MYH7B: variants seen among roughly 807,000 people sequenced by gnomAD.
MYH7B encodes the protein myosin-7B.
Under a neutral mutation model 234.5 loss-of-function variants are expected in MYH7B, and 205 were observed. The observed-to-expected ratio is 0.87, with a 90% CI of 0.78 to 0.98. The LOEUF is 0.98. Ranked by LOEUF, MYH7B falls within the 50% of genes least tolerant of loss-of-function variation. The pLI is 0.00. For missense variants in MYH7B, 2,652 were observed against 2,633.4 expected, an observed-to-expected ratio of 1.01 and a Z score of -0.15; for synonymous variants, 1,193 against 1,105.0, an observed-to-expected ratio of 1.08 and a Z score of -1.58.
chr20:34,993,196 C>T, exon 25 of MYH7B: 1 of 1,614,034 alleles, frequency 6.2e-7, no homozygotes. Flanking sequence ...GGACTTGGAT[C>T]ACACCCAGTA....
exon 32 of MYH7B, chr20:34,997,401 G>A: frequency 6.7e-7 from 1 of 1,485,866 alleles, no homozygotes; most frequent in South Asian, 1.3e-5. Flanking sequence ...GCAGCGCGAG[G>A]GCTGCCGCAA....
exon 30 of MYH7B, chr20:34,996,637 A>G (rs1349044537): frequency 1.2e-6 from 2 of 1,612,510 alleles, no homozygotes; most frequent in Non-Finnish European, 1.7e-6. Flanking sequence ...GGAGCAGGAG[A>G]AGAAGCTGCG....
Position 34,996,765 on chromosome 20 carries a change from G to A in MYH7B, c.3266+7G>A. On this transcript the variant is annotated splice_region_variant and intron_variant, in intron 30 of 44. Transcript: ENST00000262873. ...TGGAGGAGAAGCTCAAGAAGTAGGT[G>A]TGGTGGGGCAGCAGGTGGGGGCCTT... is the stretch of plus-strand genomic sequence containing the variant. 1 of 1,605,530 alleles carries A rather than the reference G, an allele frequency of 6.2e-7. No homozygotes were observed. Among genetic ancestry groups the A allele is most frequent in the Non-Finnish European group, 8.5e-7 (1 of 1,177,622 alleles).
In MYH7B at chr20:34,997,385, C is replaced by T. The variant is rs759768222; in HGVS notation, c.3492C>T (p.Ser1164=). 18 of 1,510,256 alleles carry T rather than the reference C, an allele frequency of 1.2e-5. No homozygotes were observed. In the East Asian group the frequency reaches 2.5e-4, roughly 21 times the overall value. 93.6% of individuals were successfully genotyped at this position (1,510,256 alleles called of 1,614,324 possible). The change falls in exon 32 of 45, where the codon TCC becomes TCT. Residue 1164 remains serine (S), a synonymous_variant. Transcript: ENST00000262873. Reference sequence around the variant, plus strand: ...GGCTGGAGGAGGCAGGCGGCGCATCCGCGGGGCAGCGCGAGGGCTGCCGCA... The same window carrying T: ...GGCTGGAGGAGGCAGGCGGCGCATCTGCGGGGCAGCGCGAGGGCTGCCGCA...
chr20:35,000,721 G>T (rs1233484139), intron 39 of MYH7B, 32 bp downstream of exon 39: 27 of 1,604,610 alleles, frequency 1.7e-5, no homozygotes, highest in Non-Finnish European at 2.1e-5. Flanking sequence ...GACAGAGCAG[G>T]TGCAGGCCTG....
At chr20:34,979,711 C>T (rs752263550) in exon 7 of MYH7B, 3 of 1,614,186 alleles carry the variant, frequency 1.9e-6, no homozygotes, top group South Asian at 2.2e-5. Flanking sequence ...CGCCTCGCTT[C>T]GACTTACTGG....
At position 34,975,164 on chromosome 20, in the gene MYH7B, G is replaced by A. The variant is rs958384509; in HGVS notation, c.-221-236G>A. 2.6e-5 allele frequency among the ~76,000 whole-genome samples: 4 copies of A among 152,180 alleles called. 1 individual carries two copies. The highest frequency in any genetic ancestry group is 2.0e-4 in the Admixed American group (3 of 15,274). On this transcript the variant is annotated intron_variant, in intron 2 of 44. Coordinates refer to ENST00000262873, the Ensembl canonical transcript of MYH7B. ...TATTATCCTAGGTGAGGGATGGCCC[G>A]AAGGGGATAATTTTTCATAATTTCT...
chr20:34,993,306 C>T (rs2082191339), intron 25 of MYH7B, 28 bp from the exon 26 acceptor site: 13 of 1,613,944 alleles, frequency 8.1e-6, no homozygotes, highest in Non-Finnish European at 1.1e-5. Context: ...TTGGGGGTTA[C>T]CCTGGCTGTC....
intron 2 of MYH7B, among the ~76,000 whole-genome samples, chr20:34,973,712 C>T (rs2081815305): frequency 6.6e-6 from 1 of 152,216 alleles, no homozygotes; most frequent in Admixed American, 6.5e-5. Flanking sequence ...TGAGGCTACA[C>T]AAGTCACATC....
At position 34,995,590 on chromosome 20, in the gene MYH7B, G is replaced by A; in HGVS notation, c.2943+12G>A. On this transcript the variant is annotated intron_variant, in intron 28 of 44. Coordinates refer to ENST00000262873, the Ensembl canonical transcript of MYH7B. ...CCACTGAGAACAAGGTGTGGGCCGGGCCAGCTGTGGGGAAGGGCCCTGAGC... is the reference window on the plus strand; with the variant it reads ...CCACTGAGAACAAGGTGTGGGCCGGACCAGCTGTGGGGAAGGGCCCTGAGC... 1 of 1,613,102 alleles carries A rather than the reference G, an allele frequency of 6.2e-7. No homozygotes were observed. The highest frequency in any genetic ancestry group is 8.5e-7 in the Non-Finnish European group (1 of 1,179,708).
In MYH7B at chr20:34,979,382, CA is replaced by C; in HGVS notation, c.92-6del. On this transcript the variant is annotated splice_region_variant and splice_polypyrimidine_tract_variant and intron_variant, in intron 5 of 44. Coordinates refer to ENST00000262873, the Ensembl canonical transcript of MYH7B. ...CTCTCTGAGTCCAGAGCTCTCTCTG[CA>C]ACCCAGGGAAGAAGCGAGTCTGGGT... 1 of 1,606,518 alleles carries C rather than the reference CA, an allele frequency of 6.2e-7. No homozygotes were observed. Among genetic ancestry groups the C allele is most frequent in the Non-Finnish European group, 8.5e-7 (1 of 1,175,008 alleles).
exon 12 of MYH7B, chr20:34,984,915 A>G: frequency 6.2e-7 from 1 of 1,614,088 alleles, no homozygotes; most frequent in Non-Finnish European, 8.5e-7. Flanking sequence ...GGCAACGCCA[A>G]GACCCTGAGG....
chr20:34,998,266 G>A (rs1283630050), intron 32 of MYH7B, 29 bp from the exon 33 acceptor site: 2 of 1,611,966 alleles, frequency 1.2e-6, no homozygotes, highest in East Asian at 2.2e-5. Context: ...TCTAACTCCT[G>A]ACCCCTGACT....
chr20:34,994,466 G>A (rs987120911), intron 27 of MYH7B, 65 bp downstream of exon 27: 4 of 1,494,840 alleles, frequency 2.7e-6, no homozygotes, highest in Middle Eastern at 2.5e-4. Context: ...TGCTCTGAGG[G>A]ATAGTACAGC....
At chr20:34,957,046 CCT>C (rs1369078147) in intron 1 of MYH7B, among the ~76,000 whole-genome samples, 1 of 152,136 alleles carries the variant, frequency 6.6e-6, no homozygotes, top group Non-Finnish European at 1.5e-5. Context: ...AGCGTGAGAC[CCT>C]GTCCTAAAAA....
At chr20:34,991,206 G>A (rs778250207) in intron 24 of MYH7B, 85 bp downstream of exon 24, 29 of 948,172 alleles carry the variant, frequency 3.1e-5, no homozygotes, top group East Asian at 5.0e-5. Context: ...CCCAACAGAC[G>A]GTCCCCTGTC....
At chr20:34,956,846 G>T (rs780879043) in intron 1 of MYH7B, among the ~76,000 whole-genome samples, 1 of 152,152 alleles carries the variant, frequency 6.6e-6, no homozygotes, top group South Asian at 2.1e-4. Flanking sequence ...CTTGAGCTCA[G>T]GAGTTGGAGA....
Position 34,978,380 on chromosome 20 carries a change from C to T in MYH7B, c.91+284C>T, listed in dbSNP as rs184301565. On this transcript the variant is annotated intron_variant, in intron 5 of 44. Transcript: ENST00000262873. ...AGTTTATGAAGACTCAGGCTGGAGC[C>T]CGAGGCCTCTGAGATGAGACTGATC... is the stretch of plus-strand genomic sequence containing the variant. Among the ~76,000 whole-genome samples the T allele has an allele frequency of 1.9e-3, 295 of 152,270 alleles. 4 individuals are homozygous for T. The highest frequency in any genetic ancestry group is 2.6e-4 in the Non-Finnish European group (18 of 68,006).
exon 4 of MYH7B, chr20:34,977,664 C>T (rs1237910082): frequency 1.9e-6 from 3 of 1,560,270 alleles, no homozygotes; most frequent in Non-Finnish European, 2.6e-6. Flanking sequence ...GCTTCCTGCC[C>T]TCACCGTGGT....
Sources: allele counts gnomAD v4.1 joint callset (sites outside exome capture counted in the v4.1 genomes callset), GRCh38; gene constraint gnomAD v4.1.1; transcripts MANE v1.5; gene names NCBI Gene and HGNC (gene_info 2026-07-23, HGNC 2026-07-21).